The following EYS variants were observed in gnomAD, a reference collection of about 807,000 sequenced individuals.
The protein encoded by EYS is protein eyes shut homolog.
In EYS, 250 loss-of-function variants were observed where a neutral mutation model predicts 282.1. That is an observed-to-expected ratio of 0.89 (90% confidence interval 0.80 to 0.98). The LOEUF (loss-of-function observed/expected upper bound fraction) is 0.98. EYS is among the 50% of genes least tolerant of loss of function. The probability of loss-of-function intolerance (pLI) is 0.00; values close to 1 mark genes in which losing one functional copy is unlikely to be tolerated. For missense variants in EYS, 4,016 were observed against 3,709.0 expected (o/e 1.08, Z -2.15); for synonymous variants, 1,355 against 1,282.9 (o/e 1.06, Z -1.20).
intron 5 of EYS, among the ~76,000 whole-genome samples, chr6:65,466,131 TTAA>T (rs1764990948): frequency 6.6e-6 from 1 of 152,128 alleles, no homozygotes; most frequent in South Asian, 2.1e-4. Context: ...GTAACAAGTT[TTAA>T]TAATTTTTCT....
chr6:65,522,406 G>C (rs1438153042), intron 2 of EYS, among the ~76,000 whole-genome samples: 1 of 152,132 alleles, frequency 6.6e-6, no homozygotes, highest in Non-Finnish European at 1.5e-5. Context: ...CTCAAGATCA[G>C]CCTGGGTAAT....
chr6:64,886,793 C>T lies in EYS; in HGVS notation c.2896G>A (p.Asp966Asn). 5.2e-6 allele frequency: 8 copies of T among 1,546,618 alleles called. No individual in the cohort carries two copies. The highest frequency in any genetic ancestry group is 7.0e-6 in the Non-Finnish European group (8 of 1,144,082). ...GGTGAGATTTTACATTTATTTACAT[C>T]AAGTTCACAGAAGGGCCCATGGTAC... ...PEYHGPFCEL[D>N]VNKCKISPCL... Residue 966 changes from aspartate to asparagine, a missense_variant, in exon 19 of 43, where the codon GAT becomes AAT. By Grantham distance (23) the Asp-to-Asn change is conservative. Transcript: ENST00000503581.
At chr6:64,906,777 A>G (rs1767840468) in intron 16 of EYS, among the ~76,000 whole-genome samples, 1 of 152,212 alleles carries the variant, frequency 6.6e-6, no homozygotes, top group South Asian at 2.1e-4. Flanking sequence ...TTTAGAAACT[A>G]AGCTCTTTAC....
At chr6:64,842,895 C>T (rs9342435) in intron 19 of EYS, among the ~76,000 whole-genome samples, 23,130 of 152,008 alleles carry the variant, frequency 0.15, 1,981 homozygotes, top group East Asian at 0.43. Flanking sequence ...GAGAAAACCC[C>T]ATTTTTTGAG....
At chr6:64,883,650 A>C (rs1766994956) in intron 19 of EYS, among the ~76,000 whole-genome samples, 1 of 151,500 alleles carries the variant, frequency 6.6e-6, no homozygotes. Context: ...CTATATTTAA[A>C]TCACTAATAA....
intron 24 of EYS, among the ~76,000 whole-genome samples, chr6:64,611,575 C>T (rs1310403429): frequency 1.3e-5 from 2 of 152,044 alleles, no homozygotes; most frequent in East Asian, 3.8e-4. Flanking sequence ...CAAACTGAAA[C>T]TAATTGATTT....
intron 12 of EYS, among the ~76,000 whole-genome samples, chr6:65,150,835 T>C (rs1361058746): frequency 4.6e-5 from 7 of 152,036 alleles, no homozygotes; most frequent in African/African-American, 7.2e-5. Flanking sequence ...TTAATACTTA[T>C]TGATTATTAC....
chr6:64,265,913 G>C (rs934021778), intron 30 of EYS, among the ~76,000 whole-genome samples: 2 of 151,994 alleles, frequency 1.3e-5, no homozygotes, highest in African/African-American at 2.4e-5. Context: ...CTTTGCTCTA[G>C]GTTTTTTGCC....
At chr6:64,482,106 A>ACAAT (rs1486336657) in intron 26 of EYS, among the ~76,000 whole-genome samples, 14 of 151,842 alleles carry the variant, frequency 9.2e-5, no homozygotes, top group African/African-American at 3.4e-4. Context: ...ACTGCTAGAA[A>ACAAT]CAATCAGAAT....
chr6:64,878,437 C>T (rs1199682154), intron 19 of EYS, among the ~76,000 whole-genome samples: 1 of 151,984 alleles, frequency 6.6e-6, no homozygotes, highest in Non-Finnish European at 1.5e-5. Context: ...ATTGAAACTT[C>T]AATAGAGAAA....
intron 14 of EYS, among the ~76,000 whole-genome samples, chr6:64,975,414 A>T (rs1308525079): frequency 6.6e-6 from 1 of 151,852 alleles, no homozygotes; most frequent in Non-Finnish European, 1.5e-5. Context: ...GGCTCTGGTT[A>T]TTTGGACAGT....
At chr6:63,733,974 A>C (rs1006926710) in intron 41 of EYS, among the ~76,000 whole-genome samples, 1 of 152,178 alleles carries the variant, frequency 6.6e-6, no homozygotes, top group Non-Finnish European at 1.5e-5. Context: ...AACAGCCAGT[A>C]CCTTTAATCA....
intron 31 of EYS, among the ~76,000 whole-genome samples, chr6:64,193,497 T>G (rs34901547): frequency 0.31 from 46,474 of 151,360 alleles, 7,196 homozygotes; most frequent in East Asian, 0.5. Flanking sequence ...TTCCTGGTTG[T>G]TTATTTATTT....
chr6:64,636,397 C>G (rs1267937127), intron 22 of EYS, among the ~76,000 whole-genome samples: 2 of 152,172 alleles, frequency 1.3e-5, no homozygotes, highest in African/African-American at 4.8e-5. Flanking sequence ...ATGTAGAAAG[C>G]TGAAACTGGA....
intron 19 of EYS, among the ~76,000 whole-genome samples, chr6:64,841,336 G>A (rs980476): frequency 0.15 from 23,164 of 151,950 alleles, 1,993 homozygotes; most frequent in East Asian, 0.43. Context: ...AAATTTAAGA[G>A]AATATTTAAC....
At chr6:64,196,029 A>T (rs1056442088) in intron 31 of EYS, among the ~76,000 whole-genome samples, 15 of 152,212 alleles carry the variant, frequency 9.9e-5, no homozygotes, top group Admixed American at 5.2e-4. Context: ...TCTACAATGA[A>T]CTCAAACAAA....
At chr6:64,088,488 G>T (rs1772237998) in intron 31 of EYS, among the ~76,000 whole-genome samples, 1 of 151,742 alleles carries the variant, frequency 6.6e-6, no homozygotes, top group South Asian at 2.1e-4. Context: ...AGTTAATTTT[G>T]AGTCATGGGA....
At chr6:63,960,061 A>T (rs761488210) in intron 35 of EYS, among the ~76,000 whole-genome samples, 1 of 152,156 alleles carries the variant, frequency 6.6e-6, no homozygotes, top group East Asian at 1.9e-4. Context: ...TTGTAAGGCT[A>T]TAACTGCCAT....
chr6:63,977,124 A>G (rs1025309094), intron 35 of EYS, among the ~76,000 whole-genome samples: 4 of 151,746 alleles, frequency 2.6e-5, no homozygotes, highest in African/African-American at 9.7e-5. Flanking sequence ...ATATTATTAT[A>G]TATTACTGTA....
Sources: gnomAD v4.1 joint callset for allele counts (sites outside exome capture counted in the v4.1 genomes callset) on GRCh38, gnomAD v4.1.1 for gene constraint, MANE v1.5 for transcripts, NCBI Gene and HGNC (gene_info 2026-07-23, HGNC 2026-07-21) for gene names.